The following BCL2L11 variants were observed in gnomAD, a reference collection of about 807,000 sequenced individuals.
BCL2L11 encodes the protein BCL2 like 11.
BCL2L11 carries 15 observed loss-of-function variants against 20.6 expected under a neutral mutation model. The observed-to-expected ratio is 0.73, with a 90% CI of 0.49 to 1.12. The LOEUF (loss-of-function observed/expected upper bound fraction) is 1.12. BCL2L11 is among the 50% of genes most tolerant of loss of function. BCL2L11 has a pLI of 0.00. For synonymous variants in BCL2L11, 108 were observed against 92.8 expected, an observed-to-expected ratio of 1.16 and a Z score of -0.94; for missense variants, 292 against 260.9, an observed-to-expected ratio of 1.12 and a Z score of -0.82.
intron 2 of BCL2L11, among the ~76,000 whole-genome samples, chr2:111,133,845 T>C (rs2074384221): frequency 6.6e-6 from 1 of 152,236 alleles, no homozygotes; most frequent in Non-Finnish European, 1.5e-5. Context: ...AGCTGTTTCC[T>C]TTCAGCTCTA....
At chr2:111,124,451 C>A (rs965286374) in intron 2 of BCL2L11, among the ~76,000 whole-genome samples, 2 of 152,102 alleles carry the variant, frequency 1.3e-5, no homozygotes, top group African/African-American at 4.8e-5. Flanking sequence ...CCACCACGCC[C>A]AGCTAATTTT....
At chr2:111,135,660 A>T (rs991354689) in intron 2 of BCL2L11, among the ~76,000 whole-genome samples, 1 of 152,164 alleles carries the variant, frequency 6.6e-6, no homozygotes, top group African/African-American at 2.4e-5. Context: ...GATGGGGCGA[A>T]GACTCAGTAC....
intron 2 of BCL2L11, among the ~76,000 whole-genome samples, chr2:111,139,159 G>C (rs1387309167): frequency 6.6e-6 from 1 of 152,260 alleles, no homozygotes; most frequent in South Asian, 2.1e-4. Flanking sequence ...TGGCCTGGAG[G>C]GGGGCGTGGG....
intron 2 of BCL2L11, among the ~76,000 whole-genome samples, chr2:111,127,098 C>T (rs1219281579): frequency 6.6e-6 from 1 of 152,010 alleles, no homozygotes; most frequent in Non-Finnish European, 1.5e-5. Flanking sequence ...TTCACTTTTC[C>T]TCAATTTTAG....
chr2:111,128,956 G>A (rs2150292436), intron 2 of BCL2L11: 2 of 805,650 alleles, frequency 2.5e-6, no homozygotes, highest in Non-Finnish European at 3.7e-6. Flanking sequence ...CAGAGGAGCT[G>A]GAGTGTGCAG....
intron 2 of BCL2L11, among the ~76,000 whole-genome samples, chr2:111,142,778 C>T (rs1187854011): frequency 6.6e-6 from 1 of 152,174 alleles, no homozygotes; most frequent in Non-Finnish European, 1.5e-5. Context: ...GGAAGCCACA[C>T]TTATTTTGTC....
chr2:111,161,477 G>A, intron 3 of BCL2L11: 1 of 1,550,348 alleles, frequency 6.5e-7, no homozygotes, highest in Non-Finnish European at 8.7e-7. Flanking sequence ...TGGACACTAG[G>A]CGGGAGGCCA....
At chr2:111,156,728 C>T (rs1478457878) in intron 3 of BCL2L11, among the ~76,000 whole-genome samples, 1 of 152,112 alleles carries the variant, frequency 6.6e-6, no homozygotes, top group Non-Finnish European at 1.5e-5. Context: ...AGACCTAGAG[C>T]CCTGACTCTA....
Position 111,127,419 on chromosome 2 carries a change from C to CTT in BCL2L11, c.394+3298_394+3299dup, listed in dbSNP as rs774187139. On this transcript the variant is annotated intron_variant, in intron 2 of 3. Transcript: ENST00000393256. ...TTCACAGATGGGAGTTAATGGCTTT[C>CTT]TTTTTTTTTTTTTTTTTTTCCTCAG... 8.9e-3 allele frequency among the ~76,000 whole-genome samples: 1,109 copies of CTT among 125,040 alleles called. 31 individuals are homozygous for CTT. Among genetic ancestry groups the CTT allele is most frequent in the African/African-American group, 0.03 (1,010 of 33,370 alleles). 82.0% of individuals were successfully genotyped at this position (125,040 alleles called of 152,430 possible). A position where few individuals can be genotyped will look rare whatever the true frequency, so the allele number is the denominator to read the frequency against.
Position 111,120,935 on chromosome 2 carries a change from T to G in BCL2L11, c.-267T>G, listed in dbSNP as rs554823151. 2.3e-5 allele frequency: 8 copies of G among 353,668 alleles called. No individual in the cohort carries two copies. The highest frequency in any genetic ancestry group is 1.6e-4 in the African/African-American group (7 of 44,328). The allele number at this position is 353,668 out of a possible 1,614,324, so 21.9% of individuals were successfully genotyped here. A position where few individuals can be genotyped will look rare whatever the true frequency, so the allele number is the denominator to read the frequency against. ...TTTCACTTCGCTCCGCGCAGCCGCC[T>G]GGTCTGCAGTTTGTTGGAGCTCTGC... On this transcript the variant is annotated 5_prime_UTR_variant, in exon 1 of 4. Coordinates refer to ENST00000393256, the MANE Select transcript of BCL2L11 (RefSeq NM_138621.5).
chr2:111,138,956 C>T (rs147537019), intron 2 of BCL2L11, among the ~76,000 whole-genome samples: 67 of 152,260 alleles, frequency 4.4e-4, no homozygotes, highest in African/African-American at 1.6e-3. Flanking sequence ...CTCAATGAGC[C>T]CTCAGCCCTG....
At chr2:111,163,333 C>T (rs1156769214) in intron 3 of BCL2L11, 1 of 152,212 alleles carries the variant, frequency 6.6e-6, no homozygotes, top group South Asian at 2.1e-4. Flanking sequence ...CTCATGGCGT[C>T]GAGGTTGAGG....
Position 111,123,931 on chromosome 2 carries a change from C to CCCGCTGG in BCL2L11, c.189_195dup (p.Pro66AlafsTer37). 2 of 1,613,876 alleles carry CCCGCTGG rather than the reference C, an allele frequency of 1.2e-6. No individual in the cohort carries two copies. Among genetic ancestry groups the CCCGCTGG allele is most frequent in the Non-Finnish European group, 1.7e-6 (2 of 1,179,824 alleles). On this transcript the variant is annotated frameshift_variant, in exon 2 of 4. Transcript: ENST00000393256. LOFTEE classifies it high-confidence loss of function. ...GCTGCCCCCACGGCAGCCCTCAGGG[C>CCCGCTGG]CCGCTGGCCCCACCTGCCAGCCCTG...
chr2:111,130,982 T>C lies in BCL2L11; in HGVS notation c.394+6843T>C, dbSNP rs140986282. ...TGCGTGGGTAGGGTCTGTAATTCTT[T>C]TTGTGCACTGCTGGATTGAATTTGT... On this transcript the variant is annotated intron_variant, in intron 2 of 3. Transcript: ENST00000393256. Among the ~76,000 whole-genome samples the C allele has an allele frequency of 6.3e-3, 961 of 152,242 alleles. 8 individuals carry two copies. The highest frequency in any genetic ancestry group is 0.02 in the Middle Eastern group (6 of 294).
At chr2:111,153,645 T>C (rs2077499102) in intron 3 of BCL2L11, 1 of 1,052,948 alleles carries the variant, frequency 9.5e-7, no homozygotes, top group Non-Finnish European at 1.4e-6. Flanking sequence ...TGTGCTGCTT[T>C]AGGATGGATA....
intron 3 of BCL2L11, chr2:111,151,944 C>A: frequency 7.1e-7 from 1 of 1,415,994 alleles, no homozygotes; most frequent in South Asian, 1.2e-5. Flanking sequence ...CTGAAGTAAC[C>A]ATTCCCTCCA....
At chr2:111,148,278 A>G (rs1391383113) in intron 2 of BCL2L11, among the ~76,000 whole-genome samples, 4 of 152,194 alleles carry the variant, frequency 2.6e-5, no homozygotes, top group Admixed American at 2.0e-4. Flanking sequence ...GGAGGACTGC[A>G]TGAGACCCTT....
intron 1 of BCL2L11, chr2:111,123,229 A>T (rs1402981197): frequency 1.0e-6 from 1 of 985,340 alleles, no homozygotes; most frequent in African/African-American, 1.7e-5. Context: ...ACTTACTACG[A>T]CTGACGGCCG....
intron 2 of BCL2L11, among the ~76,000 whole-genome samples, chr2:111,138,034 A>G (rs1444831651): frequency 1.5e-5 from 2 of 130,022 alleles, no homozygotes; most frequent in Admixed American, 8.4e-5. Context: ...TTTTTGAGAT[A>G]GAATCTTACT....
Sources: gnomAD v4.1 joint callset for allele counts (sites outside exome capture counted in the v4.1 genomes callset) on GRCh38, gnomAD v4.1.1 for gene constraint, MANE v1.5 for transcripts, NCBI Gene and HGNC (gene_info 2026-07-23, HGNC 2026-07-21) for gene names.